HMBOX1: variants seen among roughly 807,000 people sequenced by gnomAD.
HMBOX1 encodes the protein homeobox containing 1, also known as homeobox-containing protein 1.
Under a neutral mutation model 54.5 loss-of-function variants are expected in HMBOX1, and 14 were observed. The ratio of observed to expected loss-of-function variants is 0.26; its 90% CI spans 0.17 to 0.40. HMBOX1 has a LOEUF of 0.40. Among genes scored for constraint, HMBOX1 ranks in the 10% least tolerant of loss-of-function variants. The pLI, the probability that HMBOX1 is intolerant of heterozygous loss-of-function variation, is 1.00. For missense variants in HMBOX1, 332 were observed against 514.4 expected (o/e 0.65, Z 3.43); for synonymous variants, 160 against 181.0 (o/e 0.88, Z 0.93).
chr8:28,982,371 G>T (rs770526200), intron 4 of HMBOX1, among the ~76,000 whole-genome samples: 20 of 152,302 alleles, frequency 1.3e-4, no homozygotes, highest in Non-Finnish European at 2.9e-4. Context: ...TTTAACTTCA[G>T]TGGATTGGCA....
intron 3 of HMBOX1, 104 bp from the exon 4 acceptor site, chr8:28,979,967 C>A (rs967161629): frequency 1.2e-6 from 1 of 830,444 alleles, no homozygotes; most frequent in Non-Finnish European, 2.1e-6. Context: ...ATTTTTGTGT[C>A]CTTTCTGTGT....
intron 9 of HMBOX1, 33 bp from the exon 10 acceptor site, chr8:29,050,985 C>T (rs775810266): frequency 6.3e-7 from 1 of 1,596,524 alleles, no homozygotes; most frequent in South Asian, 1.1e-5. Context: ...TCTTCCAATC[C>T]ACTAATAACA....
rs192673481 is a variant in HMBOX1, at chr8:29,011,000, T to G, written c.697+1818T>G. ...TAAGCTGGAAGTTAGAATTAAAATC[T>G]GAAGTCAGGATTCATGCTGAATATT... On this transcript the variant is annotated intron_variant, in intron 5 of 9. Coordinates refer to ENST00000287701, the MANE Select transcript of HMBOX1 (RefSeq NM_001135726.3). Among the ~76,000 whole-genome samples the G allele has an allele frequency of 2.3e-3, 348 of 152,380 alleles. 2 individuals are homozygous for G. The highest frequency in any genetic ancestry group is 3.5e-3 in the Admixed American group (53 of 15,304).
In HMBOX1 at chr8:28,906,442, G is replaced by T. The variant is rs990011023; in HGVS notation, c.-58+15764G>T. On this transcript the variant is annotated intron_variant, in intron 1 of 9. Transcript: ENST00000287701. ...ATCACTGTATAAAAAGTTATTTTGTGTATTTGTGTGGTTATCTTACATTAC... is the reference window on the plus strand; with the variant it reads ...ATCACTGTATAAAAAGTTATTTTGTTTATTTGTGTGGTTATCTTACATTAC... Among the ~76,000 whole-genome samples the T allele has an allele frequency of 3.5e-4, 53 of 152,224 alleles. No individual in the cohort carries two copies. In the East Asian group the frequency reaches 5.2e-3, roughly 15 times the overall value.
intron 1 of HMBOX1, 86 bp downstream of exon 1, chr8:28,890,764 GT>G: frequency 6.5e-6 from 1 of 152,776 alleles, no homozygotes; most frequent in Non-Finnish European, 1.5e-5. Flanking sequence ...TTTTGGAGGG[GT>G]TTTGGGGAGG....
chr8:28,973,680 C>CTG (rs747927949), intron 3 of HMBOX1, among the ~76,000 whole-genome samples: 1 of 152,016 alleles, frequency 6.6e-6, no homozygotes, highest in African/African-American at 2.4e-5. Flanking sequence ...CCTTTTCTAC[C>CTG]TGTGTGCTTC....
intron 6 of HMBOX1, among the ~76,000 whole-genome samples, chr8:29,026,137 G>T (rs1449344042): frequency 6.6e-6 from 1 of 151,752 alleles, no homozygotes; most frequent in Non-Finnish European, 1.5e-5. Context: ...ATATTTCCTA[G>T]CGTGTGTCTT....
intron 1 of HMBOX1, among the ~76,000 whole-genome samples, chr8:28,918,596 C>G (rs375780693): frequency 6.6e-6 from 1 of 152,180 alleles, no homozygotes; most frequent in Non-Finnish European, 1.5e-5. Context: ...TATAGTATTA[C>G]TTGGTACTTT....
At chr8:29,028,341 C>T (rs1313525682) in intron 6 of HMBOX1, among the ~76,000 whole-genome samples, 1 of 152,066 alleles carries the variant, frequency 6.6e-6, no homozygotes, top group Non-Finnish European at 1.5e-5. Context: ...CTCTAGTAAC[C>T]AAGTGGATTT....
intron 3 of HMBOX1, among the ~76,000 whole-genome samples, chr8:28,973,942 G>A (rs553990359): frequency 1.2e-3 from 185 of 148,942 alleles, no homozygotes; most frequent in African/African-American, 4.3e-3. Context: ...AGTCTCCCTC[G>A]TAGCTGGGAT....
intron 4 of HMBOX1, among the ~76,000 whole-genome samples, chr8:28,987,160 A>G (rs1830284385): frequency 6.6e-6 from 1 of 152,276 alleles, no homozygotes. Flanking sequence ...TTAAAAAATG[A>G]TATCCTACCA....
intron 4 of HMBOX1, among the ~76,000 whole-genome samples, chr8:29,008,050 C>T (rs1463138010): frequency 2.0e-5 from 3 of 152,070 alleles, no homozygotes; most frequent in Non-Finnish European, 2.9e-5. Flanking sequence ...TACCTTTAAA[C>T]GGGACGAGTC....
intron 1 of HMBOX1, among the ~76,000 whole-genome samples, chr8:28,922,559 T>C: frequency 6.6e-6 from 1 of 152,224 alleles, no homozygotes; most frequent in East Asian, 1.9e-4. Context: ...CAGTAGTTAT[T>C]AACCTGGGTA....
chr8:29,019,845 C>T (rs183247873), intron 6 of HMBOX1, among the ~76,000 whole-genome samples: 3 of 152,290 alleles, frequency 2.0e-5, no homozygotes, highest in Non-Finnish European at 2.9e-5. Flanking sequence ...ACTTCACTAC[C>T]TGAAAGAGAG....
intron 4 of HMBOX1, among the ~76,000 whole-genome samples, chr8:28,988,823 A>G (rs1830527600): frequency 6.6e-6 from 1 of 152,056 alleles, no homozygotes; most frequent in Non-Finnish European, 1.5e-5. Context: ...TTCTGGGTAC[A>G]AGTCCTTAAA....
intron 3 of HMBOX1, among the ~76,000 whole-genome samples, chr8:28,971,560 T>A (rs1277421553): frequency 6.6e-6 from 1 of 152,212 alleles, no homozygotes; most frequent in African/African-American, 2.4e-5. Flanking sequence ...GACCTTGACC[T>A]AAATGGTAAA....
At chr8:29,018,715 A>C (rs373540833) in intron 5 of HMBOX1, 45 bp from the exon 6 acceptor site, 2 of 1,593,076 alleles carry the variant, frequency 1.3e-6, no homozygotes, top group African/African-American at 2.7e-5. Flanking sequence ...ATATTGTTTT[A>C]AATAAACTGC....
In HMBOX1 at chr8:29,051,032, C is replaced by T. The variant is rs1806371705; in HGVS notation, c.1140C>T (p.Ser380=). 6.2e-7 allele frequency: 1 copy of T among 1,612,960 alleles called. No individual in the cohort carries two copies. Among genetic ancestry groups the T allele is most frequent in the Non-Finnish European group, 8.5e-7 (1 of 1,179,714 alleles). The change falls in exon 10 of 10, where the codon AGC becomes AGT. Residue 380 remains serine (S), a synonymous_variant. Transcript: ENST00000287701. The part of the protein sequence containing the change: ...NDYSEQDDST[S]HSDHQDPISL... ...TGCACATCTAGGATGACAGTACGAG[C>T]CATAGTGACCACCAAGACCCCATCT...
intron 1 of HMBOX1, among the ~76,000 whole-genome samples, chr8:28,960,765 C>CTTTTTTTTTTTTTTTTTTTTTTTT (rs1162477676): frequency 6.8e-4 from 11 of 16,254 alleles, no homozygotes; most frequent in South Asian, 3.9e-3. Context: ...TTTTCTTTTT[C>CTTTTTTTTTTTTTTTTTTTTTTTT]TTTTTTTTTT....
Sources: allele counts gnomAD v4.1 joint callset (sites outside exome capture counted in the v4.1 genomes callset), GRCh38; gene constraint gnomAD v4.1.1; transcripts MANE v1.5; gene names NCBI Gene and HGNC (gene_info 2026-07-23, HGNC 2026-07-21).